The following PDE8B variants were observed in gnomAD, a reference collection of about 807,000 sequenced individuals.
PDE8B encodes phosphodiesterase 8B.
A neutral mutation model predicts 101.3 loss-of-function variants in PDE8B; 26 were observed. The ratio of observed to expected loss-of-function variants is 0.26; its 90% CI spans 0.19 to 0.36. The LOEUF (loss-of-function observed/expected upper bound fraction) is 0.36, where lower values mean the gene tolerates loss of function less well. Ranked by LOEUF, PDE8B falls within the 10% of genes least tolerant of loss-of-function variation. PDE8B has a pLI of 1.00. For missense variants in PDE8B, 810 were observed against 1,163.1 expected (o/e 0.70, Z 4.42); for synonymous variants, 424 against 429.3 (o/e 0.99, Z 0.15).
chr5:77,425,055 T>C lies in PDE8B; in HGVS notation c.2419-712T>C, dbSNP rs142350315. On this transcript the variant is annotated intron_variant, in intron 20 of 21. Transcript: ENST00000264917. The stretch of plus-strand genomic sequence containing the variant: ...ATAATGACTATGGCTATTAATACAG[T>C]TTGGTGCTAGTTCATTGAGTCATGC... Among the ~76,000 whole-genome samples the C allele has an allele frequency of 3.5e-3, 530 of 152,198 alleles. 4 individuals are homozygous for C. The highest frequency in any genetic ancestry group is 0.012 in the African/African-American group (497 of 41,522).
intron 10 of PDE8B, among the ~76,000 whole-genome samples, chr5:77,393,032 T>C (rs1055709057): frequency 2.6e-5 from 4 of 152,238 alleles, no homozygotes; most frequent in African/African-American, 9.6e-5. Flanking sequence ...GGTTCTTCTT[T>C]AGAGACTTGT....
At chr5:77,321,768 G>A (rs1775131099) in intron 2 of PDE8B, among the ~76,000 whole-genome samples, 1 of 152,074 alleles carries the variant, frequency 6.6e-6, no homozygotes, top group South Asian at 2.1e-4. Context: ...TTTATAAATA[G>A]GAAAAAATTT....
At chr5:77,150,151 C>T in the PDE8B span, among the ~76,000 whole-genome samples, 1 of 152,182 alleles carries the variant, frequency 6.6e-6, no homozygotes, top group Non-Finnish European at 1.5e-5. Flanking sequence ...GCTCATATCA[C>T]AGTGTCTTTC....
chr5:77,100,879 C>T, the PDE8B span, among the ~76,000 whole-genome samples: 3 of 151,522 alleles, frequency 2.0e-5, no homozygotes, highest in African/African-American at 7.3e-5. Flanking sequence ...TAAACTTGCA[C>T]AGGAGAGCTG....
At chr5:77,269,557 T>C (rs112855657) in intron 1 of PDE8B, among the ~76,000 whole-genome samples, 144 of 152,330 alleles carry the variant, frequency 9.5e-4, no homozygotes, top group African/African-American at 3.4e-3. Context: ...CCCAGTCCAA[T>C]GTTCTGGAGA....
intron 1 of PDE8B, among the ~76,000 whole-genome samples, chr5:77,250,401 G>A (rs1271496081): frequency 6.6e-6 from 1 of 152,188 alleles, no homozygotes; most frequent in East Asian, 1.9e-4. Context: ...AGGAAGGGAT[G>A]AGGCCCTCTT....
At chr5:77,354,651 G>C (rs564277704) in intron 10 of PDE8B, among the ~76,000 whole-genome samples, 1 of 152,288 alleles carries the variant, frequency 6.6e-6, no homozygotes, top group South Asian at 2.1e-4. Context: ...CACAGTAGAG[G>C]ACACAGGTCC....
intron 20 of PDE8B, among the ~76,000 whole-genome samples, chr5:77,423,912 C>T (rs1336418917): frequency 6.6e-6 from 1 of 151,758 alleles, no homozygotes; most frequent in African/African-American, 2.4e-5. Flanking sequence ...GCTAGGATTA[C>T]AGGCGTGAGC....
chr5:77,120,938 G>A, the PDE8B span, among the ~76,000 whole-genome samples: 1 of 152,234 alleles, frequency 6.6e-6, no homozygotes, highest in South Asian at 2.1e-4. Context: ...TGCATGGGCT[G>A]ATGTGGCATG....
intron 1 of PDE8B, chr5:77,291,375 G>T: frequency 6.2e-7 from 1 of 1,611,970 alleles, no homozygotes; most frequent in Non-Finnish European, 8.5e-7. Flanking sequence ...AGTGGTCTAT[G>T]GGGGCAAGGT....
At chr5:77,291,246 G>A (rs773247791) in intron 1 of PDE8B, 29 of 1,611,934 alleles carry the variant, frequency 1.8e-5, no homozygotes, top group Non-Finnish European at 2.0e-5. Flanking sequence ...AAAGGCCTAC[G>A]CACAGATCCG....
intron 2 of PDE8B, among the ~76,000 whole-genome samples, chr5:77,323,035 A>G (rs1775383738): frequency 6.6e-6 from 1 of 152,256 alleles, no homozygotes. Flanking sequence ...TCAGCCAGAC[A>G]GGTGAGAGAC....
At chr5:77,424,809 CTGTTTTTT>C (rs1797577616) in intron 20 of PDE8B, among the ~76,000 whole-genome samples, 1 of 135,160 alleles carries the variant, frequency 7.4e-6, no homozygotes, top group South Asian at 2.3e-4. Context: ...GAAACTGGTT[CTGTTTTTT>C]TGTTTTTTGT....
chr5:77,139,005 G>A, the PDE8B span, among the ~76,000 whole-genome samples: 2 of 152,266 alleles, frequency 1.3e-5, no homozygotes, highest in South Asian at 2.1e-4. Flanking sequence ...GCAAAGAAAT[G>A]TCAAGCCATT....
intron 1 of PDE8B, among the ~76,000 whole-genome samples, chr5:77,273,102 A>G (rs910794883): frequency 1.3e-5 from 2 of 152,224 alleles, no homozygotes; most frequent in Admixed American, 6.5e-5. Context: ...TATAAGAGTT[A>G]GGACAAATTT....
the PDE8B span, among the ~76,000 whole-genome samples, chr5:77,117,820 T>C: frequency 6.6e-6 from 1 of 152,174 alleles, no homozygotes. Context: ...CATTCGTTTA[T>C]ACATTCATTT....
At chr5:77,331,490 G>C (rs1777116194) in intron 5 of PDE8B, 31 bp downstream of exon 5, 1 of 1,558,740 alleles carries the variant, frequency 6.4e-7, no homozygotes, top group Non-Finnish European at 8.8e-7. Flanking sequence ...ATCTCTCTCA[G>C]TTGCAGGCAC....
chr5:77,178,103 T>C, the PDE8B span, among the ~76,000 whole-genome samples: 1 of 152,228 alleles, frequency 6.6e-6, no homozygotes, highest in Non-Finnish European at 1.5e-5. Flanking sequence ...GTCCTCCTAG[T>C]ACTTCTTAAC....
the PDE8B span, among the ~76,000 whole-genome samples, chr5:77,177,870 T>C: frequency 0.46 from 69,879 of 152,116 alleles, 16,312 homozygotes; most frequent in East Asian, 0.51. Flanking sequence ...TTACAACTTA[T>C]CAATGGTTTG....
Sources: allele counts gnomAD v4.1 joint callset (sites outside exome capture counted in the v4.1 genomes callset), GRCh38; gene constraint gnomAD v4.1.1; transcripts MANE v1.5; gene names NCBI Gene and HGNC (gene_info 2026-07-23, HGNC 2026-07-21).